Variants in ANAPC10 observed in about 807,000 individuals in gnomAD.
ANAPC10 encodes anaphase-promoting complex subunit 10.
A neutral mutation model predicts 22.0 loss-of-function variants in ANAPC10; 12 were observed. The observed-to-expected ratio is 0.55, with a 90% CI of 0.35 to 0.88. The LOEUF (loss-of-function observed/expected upper bound fraction) is 0.88, where lower values mean the gene tolerates loss of function less well. ANAPC10 is among the 40% of genes least tolerant of loss of function. ANAPC10 has a pLI of 0.01. For synonymous variants in ANAPC10, 65 were observed against 69.5 expected (o/e 0.94, Z 0.32); for missense variants, 188 against 220.9 (o/e 0.85, Z 0.94).
At position 144,995,323 on chromosome 4, in the gene ANAPC10, A is replaced by G; in HGVS notation, c.*50T>C. The G allele has an allele frequency of 8.3e-7, 1 of 1,211,054 alleles. No individual in the cohort carries two copies. The highest frequency in any genetic ancestry group is 1.4e-5 in the South Asian group (1 of 73,308). 75.0% of individuals were successfully genotyped at this position (1,211,054 alleles called of 1,614,324 possible). Reference sequence around the variant, plus strand: ...TAAAGGTACATGATATATTATTTAAATACAGGATAAAACAAAGATACGTTT... The same window carrying G: ...TAAAGGTACATGATATATTATTTAAGTACAGGATAAAACAAAGATACGTTT... On this transcript the variant is annotated 3_prime_UTR_variant, in exon 5 of 5. Coordinates refer to ENST00000507656, the MANE Select transcript of ANAPC10 (RefSeq NM_001256706.2).
chr4:145,043,508 C>A (rs1739825685), intron 4 of ANAPC10, among the ~76,000 whole-genome samples: 1 of 152,056 alleles, frequency 6.6e-6, no homozygotes. Flanking sequence ...GCATAACCTG[C>A]CACCCACGTT....
intron 2 of ANAPC10, among the ~76,000 whole-genome samples, chr4:145,085,309 A>G (rs983238479): frequency 6.6e-6 from 1 of 152,192 alleles, no homozygotes; most frequent in Non-Finnish European, 1.5e-5. Context: ...ATAAAGAGTT[A>G]TAGGTCTTAA....
intron 4 of ANAPC10, among the ~76,000 whole-genome samples, chr4:145,054,036 G>A (rs1741532478): frequency 6.6e-6 from 1 of 151,714 alleles, no homozygotes; most frequent in Non-Finnish European, 1.5e-5. Flanking sequence ...AGCCTCCTGA[G>A]TAGCTGAGAT....
intron 4 of ANAPC10, among the ~76,000 whole-genome samples, chr4:145,034,523 T>TTATATATATATATATATATATATA (rs370113295): frequency 6.2e-4 from 57 of 91,666 alleles, no homozygotes; most frequent in African/African-American, 2.8e-3. Context: ...AAACTCTCCT[T>TTATATATATATATATATATATATA]TATATATATA....
At chr4:145,082,205 A>G (rs1746149959) in intron 2 of ANAPC10, among the ~76,000 whole-genome samples, 1 of 152,232 alleles carries the variant, frequency 6.6e-6, no homozygotes, top group Admixed American at 6.5e-5. Flanking sequence ...GCTGGAGTGC[A>G]ATGGCACAAT....
intron 4 of ANAPC10, among the ~76,000 whole-genome samples, chr4:145,000,253 G>A (rs1242065411): frequency 6.6e-6 from 1 of 152,026 alleles, no homozygotes; most frequent in African/African-American, 2.4e-5. Context: ...ACTACCATTG[G>A]AGTGAAAAGG....
At chr4:145,060,086 A>G (rs1332995052) in intron 4 of ANAPC10, among the ~76,000 whole-genome samples, 1 of 152,100 alleles carries the variant, frequency 6.6e-6, no homozygotes, top group Non-Finnish European at 1.5e-5. Context: ...ACTTCTATAT[A>G]GAAATAGTCT....
Position 145,027,165 on chromosome 4 carries a change from G to A in ANAPC10, c.328-31562C>T, listed in dbSNP as rs149624312. 2.3e-3 allele frequency among the ~76,000 whole-genome samples: 347 copies of A among 148,980 alleles called. 3 individuals are homozygous for A. The highest frequency in any genetic ancestry group is 7.8e-3 in the African/African-American group (315 of 40,466). On this transcript the variant is annotated intron_variant, in intron 4 of 4. Coordinates refer to ENST00000507656, the MANE Select transcript of ANAPC10 (RefSeq NM_001256706.2). ...ACTACAGGCGAGTGCCACCACACTC[G>A]GCTAATTTTTGTATTTTTAGTAGAG...
chr4:145,092,114 A>G (rs1422332589), intron 2 of ANAPC10, among the ~76,000 whole-genome samples: 1 of 152,150 alleles, frequency 6.6e-6, no homozygotes, highest in Non-Finnish European at 1.5e-5. Context: ...GAGCTAAACA[A>G]TGACAACAAA....
chr4:145,042,156 A>G (rs1235827473), intron 4 of ANAPC10, among the ~76,000 whole-genome samples: 1 of 152,172 alleles, frequency 6.6e-6, no homozygotes, highest in Non-Finnish European at 1.5e-5. Flanking sequence ...ACTAGACTAC[A>G]TTTCACAAGT....
chr4:145,054,604 AGTGTGTGTGTGTGTGTGTGT>A (rs70956823), intron 4 of ANAPC10, among the ~76,000 whole-genome samples: 31 of 128,290 alleles, frequency 2.4e-4, no homozygotes, highest in African/African-American at 8.4e-4. Flanking sequence ...CATACTGAAT[AGTGTGTGTGTGTGTGTGTGT>A]GTGTGTGTGT....
At chr4:145,093,142 C>A (rs1747945423) in intron 2 of ANAPC10, among the ~76,000 whole-genome samples, 6 of 152,112 alleles carry the variant, frequency 3.9e-5, no homozygotes, top group Admixed American at 3.9e-4. Context: ...CAAGAGGCAC[C>A]CTCTGTAGCA....
chr4:145,053,933 G>C (rs575790340), intron 4 of ANAPC10, among the ~76,000 whole-genome samples: 2 of 151,180 alleles, frequency 1.3e-5, no homozygotes, highest in Non-Finnish European at 2.9e-5. Context: ...TTTTTTAGAT[G>C]AAGTCTCTCT....
chr4:145,078,702 G>A (rs1363443181), intron 3 of ANAPC10, among the ~76,000 whole-genome samples: 2 of 152,284 alleles, frequency 1.3e-5, no homozygotes, highest in African/African-American at 4.8e-5. Context: ...GAACAGGTTA[G>A]AGAACCCAGA....
intron 3 of ANAPC10, among the ~76,000 whole-genome samples, chr4:145,066,926 T>C (rs553674117): frequency 2.6e-5 from 4 of 152,316 alleles, no homozygotes; most frequent in Admixed American, 2.6e-4. Flanking sequence ...GCTCATTCAA[T>C]AGTCATTGAT....
intron 4 of ANAPC10, among the ~76,000 whole-genome samples, chr4:145,015,469 G>A (rs899571249): frequency 2.3e-4 from 35 of 152,002 alleles, no homozygotes; most frequent in Middle Eastern, 3.4e-3. Flanking sequence ...AAGAATAATC[G>A]GTGTTCCTGA....
At chr4:145,002,148 A>C (rs1365872010) in intron 4 of ANAPC10, among the ~76,000 whole-genome samples, 7 of 152,182 alleles carry the variant, frequency 4.6e-5, no homozygotes, top group Admixed American at 2.0e-4. Context: ...CAACACATGA[A>C]GCAGCAGATT....
intron 4 of ANAPC10, among the ~76,000 whole-genome samples, chr4:145,033,869 T>C (rs1295594290): frequency 6.6e-6 from 1 of 152,248 alleles, no homozygotes; most frequent in Non-Finnish European, 1.5e-5. Flanking sequence ...AACATGTTTA[T>C]GCATGTATAG....
At chr4:145,064,450 T>C in intron 4 of ANAPC10, 122 bp downstream of exon 4, 1 of 716,588 alleles carries the variant, frequency 1.4e-6, no homozygotes, top group South Asian at 4.2e-5. Context: ...AAACATGTTT[T>C]CTCCAATATT....
Sources: gnomAD v4.1 joint callset for allele counts (sites outside exome capture counted in the v4.1 genomes callset) on GRCh38, gnomAD v4.1.1 for gene constraint, MANE v1.5 for transcripts, NCBI Gene and HGNC (gene_info 2026-07-23, HGNC 2026-07-21) for gene names.